The following NR6A1 variants were observed in gnomAD, a reference collection of about 807,000 sequenced individuals.
NR6A1 encodes the protein retinoic acid receptor-related testis-associated receptor.
NR6A1 carries 7 observed loss-of-function variants against 59.1 expected under a neutral mutation model. The ratio of observed to expected loss-of-function variants is 0.12; its 90% CI spans 0.07 to 0.22. The LOEUF is 0.22. Among genes scored for constraint, NR6A1 ranks in the 10% least tolerant of loss-of-function variants. NR6A1 has a pLI of 1.00. For synonymous variants in NR6A1, 243 were observed against 236.1 expected (o/e 1.03, Z -0.27); for missense variants, 468 against 611.6 (o/e 0.77, Z 2.48).
intron 2 of NR6A1, among the ~76,000 whole-genome samples, chr9:124,584,390 C>A: frequency 6.6e-6 from 1 of 152,082 alleles, no homozygotes; most frequent in East Asian, 1.9e-4. Flanking sequence ...CAGTGTGAGC[C>A]ACCGCGCCCA....
intron 2 of NR6A1, among the ~76,000 whole-genome samples, chr9:124,696,520 CTT>C (rs10625540): frequency 8.6e-5 from 9 of 104,974 alleles, no homozygotes; most frequent in Admixed American, 2.5e-4. Context: ...TGTTCTCTAG[CTT>C]TTTTTTTTTT....
chr9:124,658,981 A>G (rs1837341941), intron 2 of NR6A1, among the ~76,000 whole-genome samples: 1 of 152,196 alleles, frequency 6.6e-6, no homozygotes, highest in South Asian at 2.1e-4. Context: ...GTTGCTTTCC[A>G]TTCTTTGCCT....
At chr9:124,685,640 A>T (rs1315488486) in intron 2 of NR6A1, among the ~76,000 whole-genome samples, 1 of 152,174 alleles carries the variant, frequency 6.6e-6, no homozygotes, top group East Asian at 1.9e-4. Context: ...TACACTTTTA[A>T]TTCTGATGCA....
At chr9:124,711,187 TAAAAAAAA>T (rs58609931) in intron 2 of NR6A1, among the ~76,000 whole-genome samples, 26 of 66,498 alleles carry the variant, frequency 3.9e-4, no homozygotes, top group Middle Eastern at 9.4e-3. Flanking sequence ...AGCTAAGGTT[TAAAAAAAA>T]AAAAAAAAAA....
At chr9:124,703,481 T>C (rs901429052) in intron 2 of NR6A1, among the ~76,000 whole-genome samples, 3 of 151,974 alleles carry the variant, frequency 2.0e-5, no homozygotes, top group Non-Finnish European at 4.4e-5. Context: ...GTGCTGGTAT[T>C]ACCAGCGTGA....
At chr9:124,534,341 G>C (rs1316728208) in intron 7 of NR6A1, among the ~76,000 whole-genome samples, 1 of 152,172 alleles carries the variant, frequency 6.6e-6, no homozygotes, top group Non-Finnish European at 1.5e-5. Context: ...TCAAAGTGCT[G>C]GGATTACAGG....
intron 2 of NR6A1, among the ~76,000 whole-genome samples, chr9:124,696,145 G>A (rs992609614): frequency 3.3e-5 from 5 of 152,154 alleles, no homozygotes; most frequent in Non-Finnish European, 5.9e-5. Flanking sequence ...ATTACAGAAG[G>A]ACTTGTGAGC....
chr9:124,644,271 CTTT>C (rs35401605), intron 2 of NR6A1, among the ~76,000 whole-genome samples: 30 of 96,744 alleles, frequency 3.1e-4, no homozygotes, highest in Non-Finnish European at 5.4e-4. Flanking sequence ...ATTAAGTCTT[CTTT>C]TTTTTTTTTT....
At chr9:124,677,111 A>AT (rs1837989127) in intron 2 of NR6A1, among the ~76,000 whole-genome samples, 1 of 152,220 alleles carries the variant, frequency 6.6e-6, no homozygotes, top group Non-Finnish European at 1.5e-5. Flanking sequence ...AAAGAAGAAA[A>AT]AAAAAGGCCT....
At chr9:124,739,520 T>A (rs1472428049) in intron 1 of NR6A1, among the ~76,000 whole-genome samples, 3 of 152,184 alleles carry the variant, frequency 2.0e-5, no homozygotes, top group Non-Finnish European at 4.4e-5. Flanking sequence ...AGTGGCACGA[T>A]CATGGCTCAC....
At position 124,692,259 on chromosome 9, in the gene NR6A1, CATTT is replaced by C. The variant is rs138832222; in HGVS notation, c.142+41045_142+41048del. On this transcript the variant is annotated intron_variant, in intron 2 of 9. Coordinates refer to ENST00000487099, the MANE Select transcript of NR6A1 (RefSeq NM_033334.4). ...ATTCAAAGACATTTTCTCAGACATT[CATTT>C]GAGTCTGCTTGTACAAATTACTGCA... 2.4e-3 allele frequency among the ~76,000 whole-genome samples: 363 copies of C among 152,304 alleles called. 1 individual carries two copies. Among genetic ancestry groups the C allele is most frequent in the African/African-American group, 8.1e-3 (336 of 41,562 alleles).
At chr9:124,616,007 G>A (rs1225557015) in intron 2 of NR6A1, among the ~76,000 whole-genome samples, 2 of 152,002 alleles carry the variant, frequency 1.3e-5, no homozygotes, top group Non-Finnish European at 2.9e-5. Flanking sequence ...TTACAGGCGT[G>A]AGTCACCACG....
At chr9:124,625,548 A>T (rs1836213048) in intron 2 of NR6A1, among the ~76,000 whole-genome samples, 2 of 152,220 alleles carry the variant, frequency 1.3e-5, no homozygotes, top group South Asian at 4.2e-4. Flanking sequence ...TTTTATTAAG[A>T]GGCATAAAAT....
intron 2 of NR6A1, among the ~76,000 whole-genome samples, chr9:124,638,647 G>C (rs1257576558): frequency 6.6e-6 from 1 of 152,158 alleles, no homozygotes; most frequent in Non-Finnish European, 1.5e-5. Flanking sequence ...AGCTTTCTGA[G>C]CCTCAGGTTT....
chr9:124,615,493 G>A (rs1008545372), intron 2 of NR6A1, among the ~76,000 whole-genome samples: 2 of 152,120 alleles, frequency 1.3e-5, no homozygotes, highest in Non-Finnish European at 2.9e-5. Context: ...AACTAGCAAA[G>A]GTTATTATAA....
At chr9:124,600,186 G>C (rs1417622590) in intron 2 of NR6A1, among the ~76,000 whole-genome samples, 1 of 152,208 alleles carries the variant, frequency 6.6e-6, no homozygotes, top group African/African-American at 2.4e-5. Flanking sequence ...TAAACTTACA[G>C]AGGTTAAAAC....
intron 1 of NR6A1, among the ~76,000 whole-genome samples, chr9:124,743,499 T>C (rs1840235187): frequency 6.6e-6 from 1 of 152,220 alleles, no homozygotes; most frequent in Admixed American, 6.5e-5. Flanking sequence ...TGCCCATGTA[T>C]TTGCTCAGCT....
chr9:124,700,046 C>T (rs528252164), intron 2 of NR6A1, among the ~76,000 whole-genome samples: 27 of 152,090 alleles, frequency 1.8e-4, no homozygotes, highest in Non-Finnish European at 2.9e-4. Flanking sequence ...GATGGAGTTT[C>T]GCCATGTTGG....
chr9:124,743,837 C>T (rs551101842), intron 1 of NR6A1, among the ~76,000 whole-genome samples: 1 of 152,228 alleles, frequency 6.6e-6, no homozygotes, highest in African/African-American at 2.4e-5. Flanking sequence ...GAAAACTGCA[C>T]GTACTGATGA....
Sources: allele counts gnomAD v4.1 joint callset (sites outside exome capture counted in the v4.1 genomes callset), GRCh38; gene constraint gnomAD v4.1.1; transcripts MANE v1.5; gene names NCBI Gene and HGNC (gene_info 2026-07-23, HGNC 2026-07-21).